ARNT2: variants seen among roughly 807,000 people sequenced by gnomAD.
ARNT2 encodes aryl hydrocarbon receptor nuclear translocator 2.
ARNT2 carries 36 observed loss-of-function variants against 91.7 expected under a neutral mutation model. That is an observed-to-expected ratio of 0.39 (90% CI 0.30 to 0.52). The LOEUF (loss-of-function observed/expected upper bound fraction) is 0.52, where lower values mean the gene tolerates loss of function less well. Ranked by LOEUF, ARNT2 falls within the 20% of genes least tolerant of loss-of-function variation. ARNT2 has a pLI of 0.72. For synonymous variants in ARNT2, 365 were observed against 347.1 expected (o/e 1.05, Z -0.57); for missense variants, 775 against 939.3 (o/e 0.83, Z 2.29).
intron 1 of ARNT2, among the ~76,000 whole-genome samples, chr15:80,428,600 A>G (rs1321945120): frequency 6.6e-6 from 1 of 152,252 alleles, no homozygotes; most frequent in African/African-American, 2.4e-5. Context: ...AGGAACTGGT[A>G]GAACTCAGAC....
chr15:80,583,693 G>C (rs1325844294), intron 17 of ARNT2, among the ~76,000 whole-genome samples: 1 of 152,176 alleles, frequency 6.6e-6, no homozygotes, highest in East Asian at 1.9e-4. Context: ...GGCACACTGA[G>C]GTCAGATAAC....
At chr15:80,431,241 A>G (rs147583812) in intron 1 of ARNT2, among the ~76,000 whole-genome samples, 10 of 152,218 alleles carry the variant, frequency 6.6e-5, no homozygotes, top group African/African-American at 2.4e-4. Context: ...TCCTCTCTGC[A>G]TGTTCTTCTC....
intron 1 of ARNT2, among the ~76,000 whole-genome samples, chr15:80,416,018 A>G (rs1051424783): frequency 2.0e-5 from 3 of 152,146 alleles, no homozygotes; most frequent in Non-Finnish European, 2.9e-5. Context: ...TGTGTCCCCA[A>G]CACCTTCAGT....
intron 5 of ARNT2, chr15:80,488,515 T>G (rs1897008536): frequency 1.3e-5 from 2 of 152,112 alleles, no homozygotes; most frequent in Admixed American, 1.3e-4. Flanking sequence ...AAAACAGTGG[T>G]TCTCAATCTC....
chr15:80,560,463 C>T (rs371286040), intron 11 of ARNT2, among the ~76,000 whole-genome samples: 6 of 152,216 alleles, frequency 3.9e-5, no homozygotes, highest in African/African-American at 1.4e-4. Flanking sequence ...CAGAACTGCC[C>T]GCTCCCTTGT....
At chr15:80,441,103 T>C (rs1376625221) in intron 1 of ARNT2, 3 of 504,388 alleles carry the variant, frequency 5.9e-6, no homozygotes, top group South Asian at 8.6e-5. Flanking sequence ...TATGGTTTCA[T>C]AGGAAATCCA....
chr15:80,500,488 G>T (rs1897176429), intron 5 of ARNT2, among the ~76,000 whole-genome samples: 1 of 152,044 alleles, frequency 6.6e-6, no homozygotes, highest in South Asian at 2.1e-4. Flanking sequence ...ATTTATATTT[G>T]TATTTCTCTT....
intron 1 of ARNT2, among the ~76,000 whole-genome samples, chr15:80,429,932 C>G (rs1197903172): frequency 6.6e-6 from 1 of 152,176 alleles, no homozygotes; most frequent in Non-Finnish European, 1.5e-5. Context: ...CACCAGGTAC[C>G]TCTTTCTTCC....
At chr15:80,431,538 A>G (rs996596040) in intron 1 of ARNT2, among the ~76,000 whole-genome samples, 6 of 152,170 alleles carry the variant, frequency 3.9e-5, no homozygotes, top group Non-Finnish European at 7.3e-5. Flanking sequence ...CAAGTCCCGA[A>G]GCCATTCCCG....
intron 5 of ARNT2, among the ~76,000 whole-genome samples, chr15:80,481,682 G>A (rs1443493967): frequency 6.6e-6 from 1 of 152,160 alleles, no homozygotes; most frequent in Non-Finnish European, 1.5e-5. Context: ...CTCTACACTC[G>A]AGCCTGGGTG....
chr15:80,581,817 AAAAC>A (rs1258860352), intron 17 of ARNT2, among the ~76,000 whole-genome samples: 2 of 152,242 alleles, frequency 1.3e-5, no homozygotes, highest in Non-Finnish European at 2.9e-5. Flanking sequence ...TTAAATATTA[AAAAC>A]ACCTATCTTA....
At chr15:80,510,348 C>T (rs984419470) in intron 6 of ARNT2, among the ~76,000 whole-genome samples, 1 of 151,742 alleles carries the variant, frequency 6.6e-6, no homozygotes, top group Admixed American at 6.6e-5. Flanking sequence ...AACAAATTTA[C>T]AATAAAAAAA....
intron 5 of ARNT2, among the ~76,000 whole-genome samples, chr15:80,501,124 G>T (rs1281614331): frequency 6.6e-6 from 1 of 152,162 alleles, no homozygotes; most frequent in Non-Finnish European, 1.5e-5. Context: ...CTTATTTGAT[G>T]CAGGAATGCC....
intron 14 of ARNT2, 88 bp from the exon 15 acceptor site, chr15:80,576,778 C>T (rs559856371): frequency 5.7e-6 from 8 of 1,400,214 alleles, no homozygotes; most frequent in East Asian, 2.3e-5. Flanking sequence ...TTCCCACGCC[C>T]ACCCCTGCAC....
chr15:80,509,164 G>A (rs1475978841), intron 6 of ARNT2, among the ~76,000 whole-genome samples: 1 of 152,178 alleles, frequency 6.6e-6, no homozygotes, highest in Non-Finnish European at 1.5e-5. Context: ...AAACAAGGCC[G>A]GGTGTGGTGG....
chr15:80,430,617 C>T (rs529803289), intron 1 of ARNT2, among the ~76,000 whole-genome samples: 1 of 152,322 alleles, frequency 6.6e-6, no homozygotes, highest in Admixed American at 6.5e-5. Flanking sequence ...CTTCTTTGCA[C>T]TCTCACTCTC....
At chr15:80,425,089 G>A (rs1479738656) in intron 1 of ARNT2, among the ~76,000 whole-genome samples, 3 of 152,202 alleles carry the variant, frequency 2.0e-5, no homozygotes, top group Non-Finnish European at 4.4e-5. Context: ...CTGCCCACCT[G>A]TGGCCAAGTC....
At chr15:80,421,039 T>C (rs1274670057) in intron 1 of ARNT2, among the ~76,000 whole-genome samples, 1 of 152,090 alleles carries the variant, frequency 6.6e-6, no homozygotes, top group Non-Finnish European at 1.5e-5. Context: ...TAAAGAAAAT[T>C]TGGTATATAT....
chr15:80,589,602 C>A (rs1302526725), intron 17 of ARNT2, among the ~76,000 whole-genome samples: 1 of 152,232 alleles, frequency 6.6e-6, no homozygotes, highest in African/African-American at 2.4e-5. Context: ...CATGGACCCA[C>A]TGAAGGCCCC....
Sources: allele counts gnomAD v4.1 joint callset (sites outside exome capture counted in the v4.1 genomes callset), GRCh38; gene constraint gnomAD v4.1.1; transcripts MANE v1.5; gene names NCBI Gene and HGNC (gene_info 2026-07-23, HGNC 2026-07-21).